ALX4: variants seen among roughly 807,000 people sequenced by gnomAD.
ALX4 encodes homeobox protein aristaless-like 4.
In ALX4, 22 loss-of-function variants were observed where a neutral mutation model predicts 40.6. The observed-to-expected ratio is 0.54, with a 90% CI of 0.39 to 0.77. The LOEUF (loss-of-function observed/expected upper bound fraction) is 0.77, where lower values mean the gene tolerates loss of function less well. Among genes scored for constraint, ALX4 ranks in the 30% least tolerant of loss-of-function variants. ALX4 has a pLI of 0.00. For missense variants in ALX4, 556 were observed against 564.8 expected, an observed-to-expected ratio of 0.98 and a Z score of 0.16; for synonymous variants, 266 against 240.5, an observed-to-expected ratio of 1.11 and a Z score of -0.98.
chr11:44,268,995 C>A (rs80053551), intron 2 of ALX4, among the ~76,000 whole-genome samples: 28,987 of 152,268 alleles, frequency 0.19, 3,054 homozygotes, highest in Non-Finnish European at 0.24. Context: ...TTCCTGAGGT[C>A]CAGTCCCTGC....
chr11:44,293,420 G>GAA (rs530732249), intron 1 of ALX4, among the ~76,000 whole-genome samples: 135 of 131,764 alleles, frequency 1.0e-3, no homozygotes, highest in African/African-American at 3.6e-3. Context: ...CTTAAAAAAA[G>GAA]AAAAAAAAAT....
chr11:44,288,545 C>G (rs1442945228), intron 1 of ALX4, among the ~76,000 whole-genome samples: 2 of 152,178 alleles, frequency 1.3e-5, no homozygotes, highest in African/African-American at 4.8e-5. Flanking sequence ...TCCCCGCCTT[C>G]CCCTCATCAC....
Position 44,299,280 on chromosome 11 carries a change from G to T in ALX4, c.466+10317C>A, listed in dbSNP as rs116319730. ...GTAGAACTTCAACCTGACAGGTGCCGAAATTTACTCCTGACACTACTTGTC... is the reference window on the plus strand; with the variant it reads ...GTAGAACTTCAACCTGACAGGTGCCTAAATTTACTCCTGACACTACTTGTC... On this transcript the variant is annotated intron_variant, in intron 1 of 3. Transcript: ENST00000652299. Among the ~76,000 whole-genome samples the T allele has an allele frequency of 5.3e-3, 807 of 151,544 alleles. 8 individuals carry two copies. Among genetic ancestry groups the T allele is most frequent in the African/African-American group, 0.019 (763 of 41,234 alleles).
In ALX4 at chr11:44,265,187, G is replaced by A. The variant is rs770265382; in HGVS notation, c.907-4C>T. On this transcript the variant is annotated splice_region_variant and splice_polypyrimidine_tract_variant and intron_variant, in intron 3 of 3. Coordinates refer to ENST00000652299, the MANE Select transcript of ALX4 (RefSeq NM_021926.4). ...CGAGCCAGGACGGGTTCTGAATCTG[G>A]GAGAGGAAGGGAGAGATGTCACCGG... The A allele has an allele frequency of 4.4e-6, 7 of 1,595,170 alleles. No individual in the cohort carries two copies. Among genetic ancestry groups the A allele is most frequent in the Non-Finnish European group, 6.0e-6 (7 of 1,169,504 alleles).
At chr11:44,291,655 C>T (rs1331335038) in intron 1 of ALX4, among the ~76,000 whole-genome samples, 1 of 152,138 alleles carries the variant, frequency 6.6e-6, no homozygotes, top group Non-Finnish European at 1.5e-5. Flanking sequence ...ATCCGCCCGC[C>T]TCAGCCTCCC....
Position 44,264,625 on chromosome 11 carries a change from C to T in ALX4, c.*229G>A, listed in dbSNP as rs920950667. 5.4e-5 allele frequency: 32 copies of T among 591,956 alleles called. No individual in the cohort carries two copies. The highest frequency in any genetic ancestry group is 1.1e-4 in the East Asian group (4 of 35,532). The allele number at this position is 591,956 out of a possible 1,614,324, so 36.7% of individuals were successfully genotyped here. On this transcript the variant is annotated 3_prime_UTR_variant, in exon 4 of 4. Transcript: ENST00000652299. ...CCTGGCTTTCTCCACTGCCTGTGGC[C>T]GGGAGCAGGGGTCAGGGCCTCAGTG...
In ALX4 at chr11:44,267,729, C is replaced by T. The variant is rs570539013; in HGVS notation, c.778-107G>A. On this transcript the variant is annotated intron_variant, in intron 2 of 3. Transcript: ENST00000652299. ...CTTGAGCCCCCCATCAGTTGCAGTG[C>T]GTTTGGGAAACGGTGCGGCCACACA... The T allele has an allele frequency of 1.6e-5, 24 of 1,510,360 alleles. No individual in the cohort carries two copies. The East Asian group carries it at 2.0e-4, about 13-fold the overall frequency. The allele number at this position is 1,510,360 out of a possible 1,614,324, so 93.6% of individuals were successfully genotyped here. A position where few individuals can be genotyped will look rare whatever the true frequency, so the allele number is the denominator to read the frequency against.
intron 2 of ALX4, among the ~76,000 whole-genome samples, chr11:44,275,063 C>T (rs1385894773): frequency 6.6e-6 from 1 of 152,182 alleles, no homozygotes; most frequent in Non-Finnish European, 1.5e-5. Flanking sequence ...AGCCCAGAAA[C>T]AGCCAGCAGC....
At chr11:44,275,741 CGGG>C in intron 1 of ALX4, 83 bp from the exon 2 acceptor site, 1 of 1,352,992 alleles carries the variant, frequency 7.4e-7, no homozygotes, top group Non-Finnish European at 1.0e-6. Flanking sequence ...GTGGGGCACT[CGGG>C]TAGCCACCCC....
chr11:44,281,817 T>C (rs1334352754), intron 1 of ALX4, among the ~76,000 whole-genome samples: 1 of 152,164 alleles, frequency 6.6e-6, no homozygotes, highest in African/African-American at 2.4e-5. Flanking sequence ...AAAGGGGTAG[T>C]AGTGACTGGG....
intron 1 of ALX4, among the ~76,000 whole-genome samples, chr11:44,283,903 GTC>G (rs146457179): frequency 3.3e-5 from 5 of 151,614 alleles, no homozygotes; most frequent in African/African-American, 1.2e-4. Context: ...CTTGTTTATT[GTC>G]TCTCTCTCTC....
intron 2 of ALX4, among the ~76,000 whole-genome samples, chr11:44,270,291 GGAA>G (rs1374876113): frequency 6.6e-6 from 1 of 152,136 alleles, no homozygotes; most frequent in African/African-American, 2.4e-5. Flanking sequence ...GAACAGGAGT[GGAA>G]GAAGGTCAGG....
chr11:44,277,992 A>C (rs1956287403), intron 1 of ALX4, among the ~76,000 whole-genome samples: 1 of 151,778 alleles, frequency 6.6e-6, no homozygotes, highest in African/African-American at 2.4e-5. Context: ...CTGGCAGACA[A>C]ATACATTTTA....
intron 2 of ALX4, 90 bp downstream of exon 2, chr11:44,275,258 T>G: frequency 7.5e-7 from 1 of 1,339,322 alleles, no homozygotes; most frequent in Non-Finnish European, 1.1e-6. Context: ...ATGGTGTGGT[T>G]GGTGGGCAGT....
chr11:44,279,761 T>C (rs1261585142), intron 1 of ALX4, among the ~76,000 whole-genome samples: 1 of 152,180 alleles, frequency 6.6e-6, no homozygotes, highest in African/African-American at 2.4e-5. Context: ...TGACTGCCTA[T>C]GTTTGCTGAC....
intron 1 of ALX4, among the ~76,000 whole-genome samples, chr11:44,300,812 A>G (rs1425203481): frequency 6.6e-6 from 1 of 152,272 alleles, no homozygotes; most frequent in Non-Finnish European, 1.5e-5. Flanking sequence ...TCAAGAGAGA[A>G]GAAGCCTCAG....
chr11:44,293,130 AGG>A (rs1956380070), intron 1 of ALX4, among the ~76,000 whole-genome samples: 1 of 54,958 alleles, frequency 1.8e-5, no homozygotes, highest in East Asian at 4.8e-4. Context: ...GAAGGAAGGA[AGG>A]AAGGAAGGAA....
intron 1 of ALX4, among the ~76,000 whole-genome samples, chr11:44,295,898 C>G (rs950632443): frequency 6.6e-6 from 1 of 152,244 alleles, no homozygotes; most frequent in Non-Finnish European, 1.5e-5. Flanking sequence ...GGGGCCTAGC[C>G]AGGGCCAAGA....
At chr11:44,288,745 T>C (rs1024051000) in intron 1 of ALX4, among the ~76,000 whole-genome samples, 2 of 152,242 alleles carry the variant, frequency 1.3e-5, no homozygotes, top group African/African-American at 4.8e-5. Context: ...GAGACCAAGG[T>C]CAAGCTACTG....
Sources: allele counts gnomAD v4.1 joint callset (sites outside exome capture counted in the v4.1 genomes callset), GRCh38; gene constraint gnomAD v4.1.1; transcripts MANE v1.5; gene names NCBI Gene and HGNC (gene_info 2026-07-23, HGNC 2026-07-21).